The following PTGFRN variants were observed in gnomAD, a reference collection of about 807,000 sequenced individuals.
The protein encoded by PTGFRN is prostaglandin F2 receptor inhibitor.
PTGFRN carries 35 observed loss-of-function variants against 83.2 expected under a neutral mutation model. The ratio of observed to expected loss-of-function variants is 0.42; its 90% confidence interval spans 0.32 to 0.56. PTGFRN has a LOEUF of 0.56. Among genes scored for constraint, PTGFRN ranks in the 20% least tolerant of loss-of-function variants. The pLI is 0.11. For synonymous variants in PTGFRN, 519 were observed against 498.6 expected, an observed-to-expected ratio of 1.04 and a Z score of -0.55; for missense variants, 1,051 against 1,179.5, an observed-to-expected ratio of 0.89 and a Z score of 1.60.
At chr1:116,962,875 A>G (rs1321704139) in intron 5 of PTGFRN, among the ~76,000 whole-genome samples, 3 of 152,164 alleles carry the variant, frequency 2.0e-5, no homozygotes, top group Non-Finnish European at 1.5e-5. Context: ...TAGGGTGCCC[A>G]TTTGTAGTCC....
chr1:116,942,339 C>T (rs1650085019), intron 2 of PTGFRN, among the ~76,000 whole-genome samples: 1 of 152,178 alleles, frequency 6.6e-6, no homozygotes, highest in African/African-American at 2.4e-5. Context: ...ACCCTATGCC[C>T]AGTGAGGTGG....
chr1:116,923,274 G>T lies in PTGFRN; in HGVS notation c.49+13022G>T, dbSNP rs1272997953. 6.6e-6 allele frequency among the ~76,000 whole-genome samples: 1 copy of T among 152,194 alleles called. No individual in the cohort carries two copies. The highest frequency in any genetic ancestry group is 2.4e-5 in the African/African-American group (1 of 41,440). ...ATATATTTAAAATTGTGGACGTTAA[G>T]TTATAACAGGGGCAGAAGATATCTA... On this transcript the variant is annotated intron_variant, in intron 1 of 8. Transcript: ENST00000393203. The surrounding 1 kb of genome is among the most constrained non-coding windows in gnomAD (Gnocchi z 4.0).
intron 1 of PTGFRN, among the ~76,000 whole-genome samples, chr1:116,938,538 G>T (rs558573249): frequency 1.6e-4 from 25 of 152,256 alleles, no homozygotes; most frequent in African/African-American, 5.5e-4. Flanking sequence ...GCACGGGAAA[G>T]ACCTGCCCCC....
At chr1:116,924,805 AC>A (rs1649614650) in intron 1 of PTGFRN, among the ~76,000 whole-genome samples, 1 of 152,208 alleles carries the variant, frequency 6.6e-6, no homozygotes, top group Admixed American at 6.5e-5. Flanking sequence ...TCTGGCCCTA[AC>A]ATTCCAGAAG....
chr1:116,972,053 G>A (rs17520400), intron 6 of PTGFRN, among the ~76,000 whole-genome samples: 17,376 of 152,142 alleles, frequency 0.11, 1,161 homozygotes, highest in Middle Eastern at 0.22. Context: ...TCACTGACAG[G>A]TGGCCGCCTA....
At chr1:116,917,642 C>G (rs1649437049) in intron 1 of PTGFRN, among the ~76,000 whole-genome samples, 1 of 152,250 alleles carries the variant, frequency 6.6e-6, no homozygotes, top group East Asian at 1.9e-4. Context: ...CTGTCTCTCT[C>G]TTTTTAGGAC....
At position 116,951,346 on chromosome 1, in the gene PTGFRN, T is replaced by C. The variant is rs1487548984; in HGVS notation, c.1213+1774T>C. Among the ~76,000 whole-genome samples the C allele has an allele frequency of 2.0e-5, 3 of 152,218 alleles. No homozygotes were observed. In the East Asian group the frequency reaches 5.8e-4, roughly 29 times the overall value. On this transcript the variant is annotated intron_variant, in intron 4 of 8. Transcript: ENST00000393203. The stretch of plus-strand genomic sequence containing the variant: ...AATTGTGGAAAAGGCTCAGTTACTA[T>C]CCAAAGGATCCCGTCATTTGTTTTC...
chr1:116,946,624 T>C (rs1254357085), intron 3 of PTGFRN, among the ~76,000 whole-genome samples: 2 of 152,226 alleles, frequency 1.3e-5, no homozygotes, highest in African/African-American at 2.4e-5. Flanking sequence ...ACTGAACTTA[T>C]TAGGCAGGTA....
rs1050014436 is a variant in PTGFRN, at chr1:116,918,699, G to T, written c.49+8447G>T. Among the ~76,000 whole-genome samples, 2 of 152,210 alleles carry T rather than the reference G, an allele frequency of 1.3e-5. No individual in the cohort carries two copies. Among genetic ancestry groups the T allele is most frequent in the Admixed American group, 6.5e-5 (1 of 15,290 alleles). On this transcript the variant is annotated intron_variant, in intron 1 of 8. Coordinates refer to ENST00000393203, the MANE Select transcript of PTGFRN (RefSeq NM_020440.4). The surrounding 1 kb of genome is among the most constrained non-coding windows in gnomAD (Gnocchi z 4.1). ...CCCACGGGAATGTGACAGTCATTCA[G>T]TTAGCAGTGAAGGATGGAGGATAGC...
chr1:116,941,655 A>T lies in PTGFRN; in HGVS notation c.50-60A>T. 1.9e-6 allele frequency: 3 copies of T among 1,543,458 alleles called. No homozygotes were observed. The highest frequency in any genetic ancestry group is 2.6e-6 in the Non-Finnish European group (3 of 1,148,824). ...GCAGGAGCATCCACAGGTTTGCCAC[A>T]TTTGTCCTGGGAAGACTTTCTGTGA... On this transcript the variant is annotated intron_variant, in intron 1 of 8. Coordinates refer to ENST00000393203, the MANE Select transcript of PTGFRN (RefSeq NM_020440.4). The surrounding 1 kb of genome is among the most constrained non-coding windows in gnomAD (Gnocchi z 5.0).
At chr1:116,986,747 A>G (rs1326435472) in intron 8 of PTGFRN, 54 bp from the exon 9 acceptor site, 1 of 1,564,324 alleles carries the variant, frequency 6.4e-7, no homozygotes, top group Admixed American at 1.7e-5. Flanking sequence ...GGTGCCCCCA[A>G]AGCGGCCTCC....
rs1053852429 is a variant in PTGFRN at position 116,941,584 on chromosome 1, C to G, written c.50-131C>G. The G allele has an allele frequency of 3.8e-5, 48 of 1,258,780 alleles. No individual in the cohort carries two copies. Among genetic ancestry groups the G allele is most frequent in the Non-Finnish European group, 4.9e-5 (45 of 915,216 alleles). The allele number at this position is 1,258,780 out of a possible 1,614,324, so 78.0% of individuals were successfully genotyped here. A position where few individuals can be genotyped will look rare whatever the true frequency, so the allele number is the denominator to read the frequency against. On this transcript the variant is annotated intron_variant, in intron 1 of 8. Coordinates refer to ENST00000393203, the MANE Select transcript of PTGFRN (RefSeq NM_020440.4). The surrounding 1 kb of genome is among the most constrained non-coding windows in gnomAD (Gnocchi z 5.0). ...TTAGGCTTAACCTTCTGCATAGATACATTTTCCCTAGTAGTTTGGCTGTCA... is the reference window on the plus strand; with the variant it reads ...TTAGGCTTAACCTTCTGCATAGATAGATTTTCCCTAGTAGTTTGGCTGTCA...
rs1325153678 is a variant in PTGFRN, at chr1:116,923,394, T to C, written c.49+13142T>C. On this transcript the variant is annotated intron_variant, in intron 1 of 8. Coordinates refer to ENST00000393203, the MANE Select transcript of PTGFRN (RefSeq NM_020440.4). This position sits in a 1 kb window ranked among gnomAD's most constrained non-coding sequence, Gnocchi z 4.0. ...ACTTCATTTCTAAGACAGGTTTTTG[T>C]GGTAGAGTAGGAAAAAATGAAATCT... Among the ~76,000 whole-genome samples, 1 of 152,186 alleles carries C rather than the reference T, an allele frequency of 6.6e-6. No homozygotes were observed. The highest frequency in any genetic ancestry group is 1.5e-5 in the Non-Finnish European group (1 of 68,040).
chr1:116,951,256 C>T (rs1356157359), intron 4 of PTGFRN, among the ~76,000 whole-genome samples: 1 of 152,220 alleles, frequency 6.6e-6, no homozygotes, highest in Non-Finnish European at 1.5e-5. Context: ...GAATGGGCTC[C>T]TTTAACTGGA....
At position 116,988,764 on chromosome 1, in the gene PTGFRN, A is replaced by G. The variant is rs148872733; in HGVS notation, c.*1797A>G. On this transcript the variant is annotated 3_prime_UTR_variant, in exon 9 of 9. Transcript: ENST00000393203. ...GTTTTCCCCACCAAGGGGACCATGCACATGGTAGAAACATTAGATTCTGCA... is the reference window on the plus strand; with the variant it reads ...GTTTTCCCCACCAAGGGGACCATGCGCATGGTAGAAACATTAGATTCTGCA... The G allele has an allele frequency of 6.5e-6, 1 of 152,924 alleles. No homozygotes were observed. The highest frequency in any genetic ancestry group is 1.5e-5 in the Non-Finnish European group (1 of 68,046). 9.5% of individuals were successfully genotyped at this position (152,924 alleles called of 1,614,324 possible). A position where few individuals can be genotyped will look rare whatever the true frequency, so the allele number is the denominator to read the frequency against.
At chr1:116,964,803 C>T (rs1195666377) in intron 5 of PTGFRN, among the ~76,000 whole-genome samples, 1 of 152,248 alleles carries the variant, frequency 6.6e-6, no homozygotes, top group Non-Finnish European at 1.5e-5. Context: ...CAGCCCAAAA[C>T]CTTCATCCTT....
At position 116,961,201 on chromosome 1, in the gene PTGFRN, T is replaced by G. The variant is rs1557743909; in HGVS notation, c.1214-42T>G. 6.7e-7 allele frequency: 1 copy of G among 1,486,574 alleles called. No homozygotes were observed. Among genetic ancestry groups the G allele is most frequent in the East Asian group, 2.3e-5 (1 of 43,544 alleles). 92.1% of individuals were successfully genotyped at this position (1,486,574 alleles called of 1,614,324 possible). ...CTTTTGTTAATTCTTGCCATGTTACTCTAATTATTTTCCTATCCTGGCCTT... is the reference window on the plus strand; with the variant it reads ...CTTTTGTTAATTCTTGCCATGTTACGCTAATTATTTTCCTATCCTGGCCTT... On this transcript the variant is annotated intron_variant, in intron 4 of 8. Transcript: ENST00000393203. The surrounding 1 kb of genome is among the most constrained non-coding windows in gnomAD (Gnocchi z 5.4).
At chr1:116,944,125 C>T (rs1456192764) in intron 2 of PTGFRN, among the ~76,000 whole-genome samples, 1 of 152,234 alleles carries the variant, frequency 6.6e-6, no homozygotes, top group Non-Finnish European at 1.5e-5. Flanking sequence ...CCACAGGCAG[C>T]TCATGCCATC....
chr1:116,910,480 G>A (rs1423005253), intron 1 of PTGFRN, among the ~76,000 whole-genome samples: 4 of 151,526 alleles, frequency 2.6e-5, no homozygotes, highest in African/African-American at 9.7e-5. Context: ...GCAAGTGGCC[G>A]CTCCGCCAGG....
Sources: gnomAD v4.1 joint callset for allele counts (sites outside exome capture counted in the v4.1 genomes callset) on GRCh38, gnomAD v4.1.1 for gene constraint, Gnocchi (gnomAD v3.1) non-coding constraint, MANE v1.5 for transcripts, NCBI Gene and HGNC (gene_info 2026-07-23, HGNC 2026-07-21) for gene names.